FRMD5: variants seen among roughly 807,000 people sequenced by gnomAD.
FRMD5 encodes the protein FERM domain containing 5.
Under a neutral mutation model 69.0 loss-of-function variants are expected in FRMD5, and 20 were observed. That is an observed-to-expected ratio of 0.29 (90% CI 0.20 to 0.42). The LOEUF is 0.42. Among genes scored for constraint, FRMD5 ranks in the 10% least tolerant of loss-of-function variants. FRMD5 has a pLI of 1.00. For missense variants in FRMD5, 595 were observed against 708.6 expected (o/e 0.84, Z 1.82); for synonymous variants, 271 against 260.1 (o/e 1.04, Z -0.40).
chr15:43,973,407 A>C (rs1595576344), intron 1 of FRMD5, among the ~76,000 whole-genome samples: 2 of 145,798 alleles, frequency 1.4e-5, no homozygotes, highest in African/African-American at 5.1e-5. Context: ...GCTCTATCTC[A>C]CAGGCTGGAG....
intron 1 of FRMD5, among the ~76,000 whole-genome samples, chr15:43,954,049 A>G (rs188150902): frequency 6.6e-6 from 1 of 152,348 alleles, no homozygotes; most frequent in East Asian, 1.9e-4. Flanking sequence ...AATGATCATT[A>G]CAAGAGAAAT....
At chr15:44,048,426 T>C (rs1489493335) in intron 1 of FRMD5, among the ~76,000 whole-genome samples, 2 of 152,220 alleles carry the variant, frequency 1.3e-5, no homozygotes, top group Admixed American at 1.3e-4. Context: ...CATTATTGAG[T>C]TGTAAGAGTT....
intron 1 of FRMD5, among the ~76,000 whole-genome samples, chr15:43,965,078 G>C (rs1452244790): frequency 6.6e-6 from 1 of 152,260 alleles, no homozygotes. Context: ...GCATGGCCTG[G>C]GGACTCAGTA....
chr15:44,058,583 G>A (rs1892963641), intron 1 of FRMD5, among the ~76,000 whole-genome samples: 1 of 152,016 alleles, frequency 6.6e-6, no homozygotes, highest in African/African-American at 2.4e-5. Context: ...TCGGGAGATC[G>A]AGACCATCCT....
chr15:43,924,349 T>G, intron 1 of FRMD5, 40 bp from the exon 2 acceptor site: 5 of 1,476,540 alleles, frequency 3.4e-6, no homozygotes, highest in Non-Finnish European at 4.7e-6. Context: ...TGAGTGGGTT[T>G]CTTCAGTGTA....
intron 1 of FRMD5, chr15:43,989,616 T>G: frequency 2.3e-6 from 2 of 865,264 alleles, no homozygotes; most frequent in Non-Finnish European, 4.0e-6. Context: ...AGGACCTTCA[T>G]GAGGTAGTCA....
chr15:43,873,626 G>C lies in FRMD5; in HGVS notation c.*259C>G. On this transcript the variant is annotated 3_prime_UTR_variant, in exon 14 of 14. Transcript: ENST00000417257. ...AAACCAAAAATTATCCTGCAAATTG[G>C]AAAGATGAGAAACAGAGTCGCTGAG... is the stretch of plus-strand genomic sequence containing the variant. 2 of 1,469,672 alleles carry C rather than the reference G, an allele frequency of 1.4e-6. No homozygotes were observed. The highest frequency in any genetic ancestry group is 1.8e-6 in the Non-Finnish European group (2 of 1,121,218). The allele number at this position is 1,469,672 out of a possible 1,614,324, so 91.0% of individuals were successfully genotyped here.
At chr15:43,926,385 T>G (rs369479346) in intron 1 of FRMD5, among the ~76,000 whole-genome samples, 15 of 152,220 alleles carry the variant, frequency 9.9e-5, no homozygotes, top group Admixed American at 1.3e-4. Flanking sequence ...TTCTGTAGTG[T>G]AGTGGTTATC....
chr15:43,937,553 G>T (rs1241058981), intron 1 of FRMD5, among the ~76,000 whole-genome samples: 1 of 151,300 alleles, frequency 6.6e-6, no homozygotes, highest in Non-Finnish European at 1.5e-5. Context: ...CAGGAGAATC[G>T]CTTGAACTTG....
intron 5 of FRMD5, 69 bp from the exon 6 acceptor site, chr15:43,906,020 G>T: frequency 6.3e-7 from 1 of 1,596,500 alleles, no homozygotes; most frequent in Non-Finnish European, 8.6e-7. Flanking sequence ...AGCAACAAGA[G>T]ATTAGCACAC....
At chr15:43,997,524 G>C (rs974189971) in intron 1 of FRMD5, among the ~76,000 whole-genome samples, 2 of 152,176 alleles carry the variant, frequency 1.3e-5, no homozygotes, top group African/African-American at 4.8e-5. Flanking sequence ...TACCAGAATT[G>C]CTGATAGAAC....
rs1009783823 is a variant in FRMD5, at chr15:44,034,380, T to C, written c.103-110071A>G. On this transcript the variant is annotated intron_variant, in intron 1 of 13. Coordinates refer to ENST00000417257, the MANE Select transcript of FRMD5 (RefSeq NM_032892.5). ...TTGACTACCTACTTATATGGTCTGT[T>C]ACCCTGACCAAGTAATACCCATGTG... is the stretch of plus-strand genomic sequence containing the variant. 2.6e-5 allele frequency among the ~76,000 whole-genome samples: 4 copies of C among 152,336 alleles called. No homozygotes were observed. The East Asian group carries it at 7.7e-4, about 29-fold the overall frequency.
intron 1 of FRMD5, among the ~76,000 whole-genome samples, chr15:44,022,120 T>C (rs1891234504): frequency 6.6e-6 from 1 of 152,126 alleles, no homozygotes; most frequent in Non-Finnish European, 1.5e-5. Context: ...AGTGGTTACT[T>C]GGGTCTGTGA....
chr15:43,975,045 C>T (rs2090442808), intron 1 of FRMD5, among the ~76,000 whole-genome samples: 1 of 152,168 alleles, frequency 6.6e-6, no homozygotes, highest in Non-Finnish European at 1.5e-5. Context: ...TCAGCTGGAA[C>T]AGAATCGCAG....
chr15:44,134,278 C>T (rs2140428076), intron 1 of FRMD5, among the ~76,000 whole-genome samples: 1 of 152,006 alleles, frequency 6.6e-6, no homozygotes, highest in South Asian at 2.1e-4. Flanking sequence ...TCCAGCTTTA[C>T]AAATACTTAC....
At chr15:44,158,875 T>A (rs965706773) in intron 1 of FRMD5, among the ~76,000 whole-genome samples, 4 of 152,152 alleles carry the variant, frequency 2.6e-5, no homozygotes, top group Non-Finnish European at 5.9e-5. Context: ...TTCAAAGACC[T>A]CAAAGTCTAG....
At chr15:43,921,912 A>T (rs1364163430) in intron 2 of FRMD5, among the ~76,000 whole-genome samples, 2 of 152,214 alleles carry the variant, frequency 1.3e-5, no homozygotes, top group African/African-American at 2.4e-5. Flanking sequence ...AAGGACTGAC[A>T]TCGGATGGAT....
chr15:44,061,033 C>T (rs992830329), intron 1 of FRMD5, among the ~76,000 whole-genome samples: 1 of 152,192 alleles, frequency 6.6e-6, no homozygotes, highest in African/African-American at 2.4e-5. Flanking sequence ...ACAACTAAAT[C>T]TTATTTCACT....
At position 43,888,262 on chromosome 15, in the gene FRMD5, T is replaced by G. The variant is rs772829990; in HGVS notation, c.797A>C (p.Lys266Thr). 1 of 1,611,900 alleles carries G rather than the reference T, an allele frequency of 6.2e-7. No individual in the cohort carries two copies. The highest frequency in any genetic ancestry group is 8.5e-7 in the Non-Finnish European group (1 of 1,178,098). The change falls in exon 10 of 14, where the codon AAG becomes ACG. Residue 266 changes from lysine (K) to threonine (T), a missense_variant. Transcript: ENST00000417257. ...AGCAAAATATGTAAGAATAATTTTC[T>G]TTTCCTGCAAAAAATTCCACATTGA... Reference protein sequence around the residue: ...FYLYVSQKEEKKIILTYFAPT... With the variant: ...FYLYVSQKEETKIILTYFAPT...
Sources: allele counts gnomAD v4.1 joint callset (sites outside exome capture counted in the v4.1 genomes callset), GRCh38; gene constraint gnomAD v4.1.1; transcripts MANE v1.5; gene names NCBI Gene and HGNC (gene_info 2026-07-23, HGNC 2026-07-21).